Variants in PCDH11X observed in about 807,000 individuals in gnomAD.
PCDH11X encodes protocadherin 11 X-linked.
Under a neutral mutation model 53.3 loss-of-function variants are expected in PCDH11X, and 18 were observed. That is an observed-to-expected ratio of 0.34 (90% CI 0.23 to 0.50). PCDH11X has a LOEUF of 0.50. PCDH11X is among the 20% of genes least tolerant of loss of function. PCDH11X has a pLI of 0.98. For missense variants in PCDH11X, 570 were observed against 1,032.4 expected, an observed-to-expected ratio of 0.55 and a Z score of 6.14; for synonymous variants, 279 against 393.3, an observed-to-expected ratio of 0.71 and a Z score of 3.44.
chrX:92,254,508 G>A (rs1278666031), intron 7 of PCDH11X, among the ~76,000 whole-genome samples: 11 of 107,440 alleles, frequency 1.0e-4, no homozygotes, highest in East Asian at 3.0e-4. Context: ...TATTTTGCGC[G>A]TTAGTTGATG....
intron 8 of PCDH11X, among the ~76,000 whole-genome samples, chrX:92,377,498 A>G (rs1205479153): frequency 9.0e-6 from 1 of 111,587 alleles, no homozygotes; most frequent in South Asian, 3.7e-4. Context: ...ATCAATTCTT[A>G]TTAAATAGAA....
intron 5 of PCDH11X, among the ~76,000 whole-genome samples, chrX:91,850,787 C>G (rs1292999069): frequency 9.1e-6 from 1 of 109,760 alleles, no homozygotes; most frequent in African/African-American, 3.3e-5. Context: ...CTATATATGT[C>G]CTTACCAATT....
intron 7 of PCDH11X, among the ~76,000 whole-genome samples, chrX:92,243,112 A>G (rs943285856): frequency 1.8e-5 from 2 of 111,445 alleles, no homozygotes; most frequent in African/African-American, 6.5e-5. Context: ...TAATTAAGCA[A>G]TTTCACCTTG....
intron 10 of PCDH11X, among the ~76,000 whole-genome samples, chrX:92,574,846 C>T (rs1360839427): frequency 1.8e-5 from 2 of 110,584 alleles, no homozygotes; most frequent in East Asian, 5.6e-4. Flanking sequence ...TTGAAGATTA[C>T]AAAAAATACT....
chrX:91,813,853 G>A (rs752124603), intron 4 of PCDH11X, among the ~76,000 whole-genome samples: 1 of 107,471 alleles, frequency 9.3e-6, no homozygotes, highest in South Asian at 4.1e-4. Flanking sequence ...CAGTTCTTAC[G>A]TGAAATCTCT....
At chrX:92,281,314 C>T (rs2068247310) in intron 8 of PCDH11X, among the ~76,000 whole-genome samples, 1 of 111,774 alleles carries the variant, frequency 8.9e-6, no homozygotes, top group Admixed American at 9.6e-5. Flanking sequence ...ACACAGGCTA[C>T]TACTGTTTTC....
intron 6 of PCDH11X, among the ~76,000 whole-genome samples, chrX:91,980,466 T>C (rs2062111255): frequency 9.1e-6 from 1 of 110,179 alleles, no homozygotes; most frequent in Admixed American, 9.8e-5. Context: ...TGGAGGGTTT[T>C]TTCGTTTTGT....
intron 6 of PCDH11X, among the ~76,000 whole-genome samples, chrX:92,043,078 T>C (rs1282166268): frequency 1.8e-5 from 2 of 109,368 alleles, no homozygotes; most frequent in African/African-American, 6.7e-5. Flanking sequence ...GCTTTCTACT[T>C]GAAAGAGATG....
intron 8 of PCDH11X, among the ~76,000 whole-genome samples, chrX:92,349,985 G>A (rs1449147578): frequency 9.1e-6 from 1 of 109,965 alleles, no homozygotes; most frequent in Non-Finnish European, 1.9e-5. Flanking sequence ...TAACCCCTTC[G>A]TAAGTCTAGA....
rs187669417 is a variant in PCDH11X, at chrX:92,529,406, T to C, written c.3367+61084T>C. On this transcript the variant is annotated intron_variant, in intron 10 of 10. Coordinates refer to ENST00000682573, the MANE Select transcript of PCDH11X (RefSeq NM_032968.5). ...TTAGTGCCATTACCAATCCTAAAGC[T>C]TTCTAGATTTTTACTTCTCTATTAT... Among the ~76,000 whole-genome samples the C allele has an allele frequency of 3.7e-3, 399 of 108,762 alleles. 1 individual carries two copies. Among genetic ancestry groups the C allele is most frequent in the African/African-American group, 0.013 (382 of 29,916 alleles). 94.4% of individuals were successfully genotyped at this position (108,762 alleles called of 115,157 possible). A position where few individuals can be genotyped will look rare whatever the true frequency, so the allele number is the denominator to read the frequency against.
chrX:91,927,848 T>C (rs1311521018), intron 6 of PCDH11X, among the ~76,000 whole-genome samples: 3 of 110,698 alleles, frequency 2.7e-5, no homozygotes, highest in Non-Finnish European at 5.7e-5. Context: ...ATTACTTAAT[T>C]TAGGTATTGG....
chrX:92,355,668 G>A (rs1261993375), intron 8 of PCDH11X, among the ~76,000 whole-genome samples: 1 of 104,384 alleles, frequency 9.6e-6, no homozygotes, highest in Non-Finnish European at 1.9e-5. Context: ...CATTTTTTTT[G>A]CAAATATCAT....
intron 6 of PCDH11X, among the ~76,000 whole-genome samples, chrX:92,193,777 G>A (rs1373698766): frequency 9.0e-6 from 1 of 111,258 alleles, no homozygotes; most frequent in African/African-American, 3.3e-5. Flanking sequence ...TAAAATAAAT[G>A]TTTATCTAAA....
At chrX:92,001,472 C>CT (rs57766143) in intron 6 of PCDH11X, among the ~76,000 whole-genome samples, 25,371 of 91,624 alleles carry the variant, frequency 0.28, 3,418 homozygotes, top group East Asian at 0.51. Flanking sequence ...TTTTTTCTTT[C>CT]TTTTTTTTTT....
chrX:91,821,570 T>G (rs1362415173), intron 4 of PCDH11X, among the ~76,000 whole-genome samples: 4 of 108,401 alleles, frequency 3.7e-5, no homozygotes, highest in Non-Finnish European at 7.6e-5. Flanking sequence ...AAGGAGATTT[T>G]GGGCTGAGAC....
intron 1 of PCDH11X, among the ~76,000 whole-genome samples, chrX:91,797,756 A>G (rs1372729021): frequency 9.2e-6 from 1 of 108,299 alleles, no homozygotes; most frequent in Non-Finnish European, 1.9e-5. Flanking sequence ...TCTACTTAAG[A>G]CAATTAAAAT....
intron 6 of PCDH11X, among the ~76,000 whole-genome samples, chrX:91,948,853 A>C (rs1347145901): frequency 9.1e-6 from 1 of 110,306 alleles, no homozygotes; most frequent in Non-Finnish European, 1.9e-5. Flanking sequence ...AACTCAACAG[A>C]CTTCTTGCTG....
intron 5 of PCDH11X, among the ~76,000 whole-genome samples, chrX:91,843,261 T>TTGTGTGTGTGTG (rs1491364737): frequency 6.1e-4 from 35 of 57,417 alleles, no homozygotes; most frequent in African/African-American, 2.2e-3. Context: ...ACATACATAC[T>TTGTGTGTGTGTG]TATGTGTGTG....
At chrX:92,602,325 A>T (rs1352539243) in intron 10 of PCDH11X, among the ~76,000 whole-genome samples, 2 of 112,490 alleles carry the variant, frequency 1.8e-5, no homozygotes, top group African/African-American at 3.2e-5. Context: ...ATTAAAATTT[A>T]AAAGACTGTA....
Sources: allele counts gnomAD v4.1 joint callset (sites outside exome capture counted in the v4.1 genomes callset), GRCh38; gene constraint gnomAD v4.1.1; transcripts MANE v1.5; gene names NCBI Gene and HGNC (gene_info 2026-07-23, HGNC 2026-07-21).